Variants in SRD5A3 observed in about 807,000 individuals in gnomAD.
The protein encoded by SRD5A3 is polyprenal reductase.
SRD5A3 carries 24 observed loss-of-function variants against 34.3 expected under a neutral mutation model. That is an observed-to-expected ratio of 0.70 (90% CI 0.51 to 0.99). SRD5A3 has a LOEUF of 0.99. SRD5A3 is among the 50% of genes least tolerant of loss of function. The probability of loss-of-function intolerance (pLI) is 0.00; values close to 1 mark genes in which losing one functional copy is unlikely to be tolerated. For synonymous variants in SRD5A3, 161 were observed against 167.3 expected, an observed-to-expected ratio of 0.96 and a Z score of 0.29; for missense variants, 350 against 388.2, an observed-to-expected ratio of 0.90 and a Z score of 0.83.
At chr4:55,356,897 A>T (rs1237017534) in intron 1 of SRD5A3, among the ~76,000 whole-genome samples, 1 of 152,062 alleles carries the variant, frequency 6.6e-6, no homozygotes. Context: ...TGGCCTTACA[A>T]GGCTTCATGT....
At chr4:55,364,870 G>A (rs1169767109) in intron 3 of SRD5A3, 1 of 158,086 alleles carries the variant, frequency 6.3e-6, no homozygotes, top group Non-Finnish European at 1.4e-5. Flanking sequence ...GAGAGGAGAG[G>A]ACAAAGAGTA....
chr4:55,346,873 G>A (rs1719018159), intron 1 of SRD5A3, among the ~76,000 whole-genome samples: 1 of 152,234 alleles, frequency 6.6e-6, no homozygotes, highest in Non-Finnish European at 1.5e-5. Flanking sequence ...TCCGAATTTA[G>A]GCCTGGTCAT....
chr4:55,354,643 C>A (rs1719363491), intron 1 of SRD5A3, among the ~76,000 whole-genome samples: 1 of 152,196 alleles, frequency 6.6e-6, no homozygotes, highest in South Asian at 2.1e-4. Flanking sequence ...CATGGTTTAT[C>A]CCCTCACTTG....
intron 1 of SRD5A3, among the ~76,000 whole-genome samples, chr4:55,358,746 A>T (rs1719568626): frequency 6.6e-6 from 1 of 152,166 alleles, no homozygotes; most frequent in Admixed American, 6.5e-5. Context: ...GTTGTCTGAG[A>T]ATTATAACCA....
chr4:55,347,182 A>G (rs975897618), intron 1 of SRD5A3, among the ~76,000 whole-genome samples: 1 of 152,206 alleles, frequency 6.6e-6, no homozygotes, highest in Admixed American at 6.5e-5. Flanking sequence ...AAAATTCTGT[A>G]ACCCAGTTCA....
At chr4:55,358,064 C>T (rs187693592) in intron 1 of SRD5A3, among the ~76,000 whole-genome samples, 76 of 152,106 alleles carry the variant, frequency 5.0e-4, no homozygotes, top group African/African-American at 1.8e-3. Flanking sequence ...TCTAGGTTGT[C>T]TTTTATTGTC....
rs1425865467 is a variant in SRD5A3 at position 55,370,864 on chromosome 4, G to C, written c.*773G>C. ...TGCCACTGCACTCCAGCCTGGCCTG[G>C]GCAACAGAGCAAGACCCTGTCTCAA... On this transcript the variant is annotated 3_prime_UTR_variant, in exon 5 of 5. Coordinates refer to ENST00000264228, the MANE Select transcript of SRD5A3 (RefSeq NM_024592.5). 6.6e-6 allele frequency: 1 copy of C among 152,000 alleles called. No individual in the cohort carries two copies. The highest frequency in any genetic ancestry group is 3.2e-3 in the Middle Eastern group (1 of 316). 9.4% of individuals were successfully genotyped at this position (152,000 alleles called of 1,614,324 possible). A position where few individuals can be genotyped will look rare whatever the true frequency, so the allele number is the denominator to read the frequency against.
intron 1 of SRD5A3, among the ~76,000 whole-genome samples, chr4:55,348,372 T>C (rs1453922527): frequency 6.6e-6 from 1 of 152,238 alleles, no homozygotes; most frequent in Admixed American, 6.5e-5. Flanking sequence ...ACTGGCAGTG[T>C]CTCCAAAAAA....
intron 2 of SRD5A3, among the ~76,000 whole-genome samples, chr4:55,362,091 C>T (rs929416792): frequency 1.3e-5 from 2 of 151,106 alleles, no homozygotes; most frequent in African/African-American, 2.4e-5. Context: ...GGGGAGGGGT[C>T]GTGCCTACAC....
chr4:55,367,243 C>G (rs999477354), intron 3 of SRD5A3: 24 of 331,702 alleles, frequency 7.2e-5, no homozygotes, highest in Non-Finnish European at 5.6e-6. Context: ...GAAAGTAGAT[C>G]ACAGTAGGGG....
chr4:55,346,265 G>T lies in SRD5A3; in HGVS notation c.-72G>T. The T allele has an allele frequency of 7.8e-7, 1 of 1,289,420 alleles. No homozygotes were observed. Among genetic ancestry groups the T allele is most frequent in the Non-Finnish European group, 9.9e-7 (1 of 1,006,062 alleles). 79.9% of individuals were successfully genotyped at this position (1,289,420 alleles called of 1,614,324 possible). A position where few individuals can be genotyped will look rare whatever the true frequency, so the allele number is the denominator to read the frequency against. On this transcript the variant is annotated 5_prime_UTR_variant, in exon 1 of 5. Coordinates refer to ENST00000264228, the MANE Select transcript of SRD5A3 (RefSeq NM_024592.5). ...CTAGGCTGAGACCGGTGCGCCGCGC[G>T]CTAGTGGCCGCTCTTCCGCGGGCTA...
At position 55,369,817 on chromosome 4, in the gene SRD5A3, C is replaced by G; in HGVS notation, c.698-15C>G. ...AACCTTTAAATGCTTATGAGATCTT[C>G]TTTTACCCTTTCAGGAGTGGTCATT... On this transcript the variant is annotated splice_polypyrimidine_tract_variant and intron_variant, in intron 4 of 4. Coordinates refer to ENST00000264228, the MANE Select transcript of SRD5A3 (RefSeq NM_024592.5). 1 of 1,613,882 alleles carries G rather than the reference C, an allele frequency of 6.2e-7. No individual in the cohort carries two copies. The highest frequency in any genetic ancestry group is 8.5e-7 in the Non-Finnish European group (1 of 1,179,950).
At chr4:55,360,378 C>T (rs1243093420) in intron 2 of SRD5A3, among the ~76,000 whole-genome samples, 2 of 151,608 alleles carry the variant, frequency 1.3e-5, no homozygotes, top group Non-Finnish European at 2.9e-5. Flanking sequence ...TGGTGGCAGG[C>T]GCTTGTAATC....
intron 1 of SRD5A3, among the ~76,000 whole-genome samples, chr4:55,351,508 T>C (rs1220979713): frequency 6.6e-6 from 1 of 150,436 alleles, no homozygotes; most frequent in Non-Finnish European, 1.5e-5. Flanking sequence ...TAAAAATACG[T>C]AAAATACAAA....
rs767161904 is a variant in SRD5A3 at position 55,359,444 on chromosome 4, GGCTTCATGGTTT to G, written c.324_335del (p.His109_Leu112del). On this transcript the variant is annotated inframe_deletion, in exon 2 of 5. Coordinates refer to ENST00000264228, the MANE Select transcript of SRD5A3 (RefSeq NM_024592.5). ...TTCCTGGGAGCACCTTTTCCAAGCTGGCTTCATGGTTTGCTCAGAATTCTCGGGGCGGCACAG... is the reference window on the plus strand; with the variant it reads ...TTCCTGGGAGCACCTTTTCCAAGCTGGCTCAGAATTCTCGGGGCGGCACAG... 1.2e-6 allele frequency: 2 copies of G among 1,613,888 alleles called. No homozygotes were observed. Among genetic ancestry groups the G allele is most frequent in the Non-Finnish European group, 1.7e-6 (2 of 1,180,010 alleles).
At chr4:55,356,728 G>A (rs1263771201) in intron 1 of SRD5A3, among the ~76,000 whole-genome samples, 2 of 149,978 alleles carry the variant, frequency 1.3e-5, no homozygotes, top group East Asian at 3.9e-4. Flanking sequence ...TTATTTATTT[G>A]AGATGGAGTC....
In SRD5A3 at chr4:55,369,028, C is replaced by G. The variant is rs34101807; in HGVS notation, c.698-804C>G. On this transcript the variant is annotated intron_variant, in intron 4 of 4. Coordinates refer to ENST00000264228, the MANE Select transcript of SRD5A3 (RefSeq NM_024592.5). ...TGCTAGGATTACAAGCATAAGCTAC[C>G]GCGCCCAGCCAAAAAACTGAATAGT... Among the ~76,000 whole-genome samples, 3 of 152,150 alleles carry G rather than the reference C, an allele frequency of 2.0e-5. No individual in the cohort carries two copies. In the East Asian group the frequency reaches 5.8e-4, roughly 29 times the overall value.
Position 55,373,019 on chromosome 4 carries a change from G to A in SRD5A3, c.*2928G>A, listed in dbSNP as rs1720182714. On this transcript the variant is annotated 3_prime_UTR_variant, in exon 5 of 5. Transcript: ENST00000264228. Reference sequence around the variant, plus strand: ...AAGGAGACTGCAACATTTGCATAAGGTGCCTAAAAACTCAAGAACCATTGA... The same window carrying A: ...AAGGAGACTGCAACATTTGCATAAGATGCCTAAAAACTCAAGAACCATTGA... 6.6e-6 allele frequency: 1 copy of A among 151,742 alleles called. No individual in the cohort carries two copies. Among genetic ancestry groups the A allele is most frequent in the South Asian group, 2.1e-4 (1 of 4,816 alleles). 9.4% of individuals were successfully genotyped at this position (151,742 alleles called of 1,614,324 possible). A position where few individuals can be genotyped will look rare whatever the true frequency, so the allele number is the denominator to read the frequency against.
chr4:55,359,963 A>C (rs1401012684), intron 2 of SRD5A3, among the ~76,000 whole-genome samples: 1 of 152,242 alleles, frequency 6.6e-6, no homozygotes, highest in Non-Finnish European at 1.5e-5. Flanking sequence ...CTGTAATCCC[A>C]GCACTTTGGG....
Sources: gnomAD v4.1 joint callset for allele counts (sites outside exome capture counted in the v4.1 genomes callset) on GRCh38, gnomAD v4.1.1 for gene constraint, MANE v1.5 for transcripts, NCBI Gene and HGNC (gene_info 2026-07-23, HGNC 2026-07-21) for gene names.